The following SYNPR variants were observed in gnomAD, a reference collection of about 807,000 sequenced individuals.
SYNPR encodes the protein synaptoporin.
In SYNPR, 23 loss-of-function variants were observed where a neutral mutation model predicts 32.9. The observed-to-expected ratio is 0.70, with a 90% CI of 0.50 to 0.99. The LOEUF is 0.99. Ranked by LOEUF, SYNPR falls within the 50% of genes least tolerant of loss-of-function variation. SYNPR has a pLI of 0.00. For synonymous variants in SYNPR, 146 were observed against 135.9 expected (o/e 1.07, Z -0.52); for missense variants, 318 against 349.3 (o/e 0.91, Z 0.71).
At chr3:63,614,758 C>T (rs772977869) in intron 5 of SYNPR, among the ~76,000 whole-genome samples, 17 of 152,082 alleles carry the variant, frequency 1.1e-4, no homozygotes, top group Non-Finnish European at 2.2e-4. Context: ...AATGAATGCA[C>T]CATTATTAAA....
chr3:63,504,631 T>G (rs915673066), intron 3 of SYNPR, among the ~76,000 whole-genome samples: 4 of 152,150 alleles, frequency 2.6e-5, no homozygotes, highest in Non-Finnish European at 4.4e-5. Context: ...TGCAACATAA[T>G]TAATGAAAAG....
chr3:63,451,783 C>G (rs968937024), intron 2 of SYNPR, among the ~76,000 whole-genome samples: 13 of 152,120 alleles, frequency 8.5e-5, no homozygotes, highest in Non-Finnish European at 1.6e-4. Context: ...TCATTAGCCC[C>G]CACTATAGGA....
At chr3:63,547,090 T>C (rs1402318994) in intron 3 of SYNPR, among the ~76,000 whole-genome samples, 1 of 152,110 alleles carries the variant, frequency 6.6e-6, no homozygotes, top group Non-Finnish European at 1.5e-5. Context: ...TCCCTGAGGT[T>C]CTCCTAGAAA....
At chr3:63,419,184 G>A (rs1196902446) in intron 2 of SYNPR, among the ~76,000 whole-genome samples, 1 of 152,186 alleles carries the variant, frequency 6.6e-6, no homozygotes, top group Admixed American at 6.5e-5. Flanking sequence ...TGTAAGTGAT[G>A]GCAAGCCCCC....
At chr3:63,530,732 T>C (rs1295859972) in intron 3 of SYNPR, among the ~76,000 whole-genome samples, 3 of 152,150 alleles carry the variant, frequency 2.0e-5, no homozygotes, top group Non-Finnish European at 4.4e-5. Flanking sequence ...GACCATACTT[T>C]GAGAAGCAAG....
At chr3:63,228,311 C>T (rs2086143597), upstream of SYNPR, 3 of 152,230 alleles carry the variant, frequency 2.0e-5, no homozygotes, top group South Asian at 6.2e-4. Flanking sequence ...TTGGATCAGT[C>T]CTTAAACAGA....
intron 1 of SYNPR, among the ~76,000 whole-genome samples, chr3:63,237,367 T>C (rs1380973445): frequency 6.6e-6 from 1 of 152,108 alleles, no homozygotes; most frequent in African/African-American, 2.4e-5. Flanking sequence ...GTTCGTGTGT[T>C]TGTATTTTTG....
chr3:63,208,712 G>T, the SYNPR span, among the ~76,000 whole-genome samples: 1 of 152,156 alleles, frequency 6.6e-6, no homozygotes, highest in Non-Finnish European at 1.5e-5. Flanking sequence ...CTCTCTTGGG[G>T]GATCACAACC....
intron 3 of SYNPR, among the ~76,000 whole-genome samples, chr3:63,496,123 A>C (rs1307141211): frequency 6.6e-6 from 1 of 152,118 alleles, no homozygotes; most frequent in Non-Finnish European, 1.5e-5. Context: ...ATTTAAAAAA[A>C]AGTATTTATT....
At chr3:63,303,762 A>T (rs2086880738) in intron 2 of SYNPR, among the ~76,000 whole-genome samples, 1 of 152,050 alleles carries the variant, frequency 6.6e-6, no homozygotes, top group Non-Finnish European at 1.5e-5. Context: ...CCTTTTTAAA[A>T]AAAATTTATT....
intron 2 of SYNPR, among the ~76,000 whole-genome samples, chr3:63,387,366 C>A (rs914442319): frequency 2.6e-5 from 4 of 152,082 alleles, no homozygotes; most frequent in Admixed American, 6.5e-5. Context: ...CGTAAATGGA[C>A]CTCATATCTC....
At chr3:63,570,896 T>G (rs2106846507) in intron 4 of SYNPR, among the ~76,000 whole-genome samples, 1 of 152,300 alleles carries the variant, frequency 6.6e-6, no homozygotes, top group East Asian at 1.9e-4. Context: ...GGGTCTGAGT[T>G]TGCTCATCTA....
intron 2 of SYNPR, among the ~76,000 whole-genome samples, chr3:63,259,770 G>A (rs576427705): frequency 3.3e-5 from 5 of 152,276 alleles, no homozygotes; most frequent in African/African-American, 1.2e-4. Flanking sequence ...ATTAGGAAAA[G>A]AGGAAGTCAA....
intron 3 of SYNPR, among the ~76,000 whole-genome samples, chr3:63,494,756 T>A (rs1004751031): frequency 6.6e-6 from 1 of 151,932 alleles, no homozygotes. Flanking sequence ...CTAGGTCACA[T>A]AGCTAGTAAG....
intron 2 of SYNPR, among the ~76,000 whole-genome samples, chr3:63,319,553 A>C (rs1486483193): frequency 6.6e-6 from 1 of 152,080 alleles, no homozygotes; most frequent in South Asian, 2.1e-4. Context: ...ACTACCTAGG[A>C]ATAAACTTAA....
intron 2 of SYNPR, among the ~76,000 whole-genome samples, chr3:63,477,584 C>G (rs1213005233): frequency 1.3e-5 from 2 of 152,182 alleles, no homozygotes; most frequent in African/African-American, 4.8e-5. Flanking sequence ...ACACCTTTAT[C>G]TCGGCTGCCT....
intron 2 of SYNPR, among the ~76,000 whole-genome samples, chr3:63,447,998 A>ACATT (rs1553637076): frequency 2.6e-5 from 4 of 151,628 alleles, no homozygotes; most frequent in Non-Finnish European, 4.4e-5. Context: ...TGCCTACAGA[A>ACATT]TATTTATTTA....
At chr3:63,237,459 A>G (rs1245466293) in intron 1 of SYNPR, among the ~76,000 whole-genome samples, 1 of 152,054 alleles carries the variant, frequency 6.6e-6, no homozygotes, top group Non-Finnish European at 1.5e-5. Flanking sequence ...AAGAGAATGT[A>G]TAATTTGTTG....
chr3:63,326,194 GA>G (rs2087165912), intron 2 of SYNPR, among the ~76,000 whole-genome samples: 1 of 151,976 alleles, frequency 6.6e-6, no homozygotes, highest in South Asian at 2.1e-4. Context: ...TTATTGATGA[GA>G]AAAATGAGGC....
Sources: gnomAD v4.1 joint callset for allele counts (sites outside exome capture counted in the v4.1 genomes callset) on GRCh38, gnomAD v4.1.1 for gene constraint, MANE v1.5 for transcripts, NCBI Gene and HGNC (gene_info 2026-07-23, HGNC 2026-07-21) for gene names.